The following PTPRN2 variants were observed in gnomAD, a reference collection of about 807,000 sequenced individuals.
PTPRN2 encodes the protein protein tyrosine phosphatase receptor type N2.
PTPRN2 carries 74 observed loss-of-function variants against 118.8 expected under a neutral mutation model. That is an observed-to-expected ratio of 0.62 (90% CI 0.52 to 0.76). The LOEUF (loss-of-function observed/expected upper bound fraction) is 0.76, where lower values mean the gene tolerates loss of function less well. PTPRN2 is among the 30% of genes least tolerant of loss of function. PTPRN2 has a pLI of 0.00. For synonymous variants in PTPRN2, 641 were observed against 608.0 expected (o/e 1.05, Z -0.80); for missense variants, 1,481 against 1,394.4 (o/e 1.06, Z -0.99).
At chr7:158,296,443 C>T (rs867475175) in intron 3 of PTPRN2, among the ~76,000 whole-genome samples, 21 of 152,328 alleles carry the variant, frequency 1.4e-4, no homozygotes, top group Admixed American at 4.6e-4. Context: ...AGCCCATGTG[C>T]GATCTGATTC....
intron 3 of PTPRN2, among the ~76,000 whole-genome samples, chr7:158,241,556 T>TA (rs905546442): frequency 3.2e-4 from 48 of 152,228 alleles, no homozygotes; most frequent in African/African-American, 1.0e-3. Context: ...ATTTAAATTT[T>TA]AAAAAAATCC....
At chr7:158,318,430 G>C (rs1375866814) in intron 2 of PTPRN2, among the ~76,000 whole-genome samples, 2 of 152,226 alleles carry the variant, frequency 1.3e-5, no homozygotes, top group African/African-American at 4.8e-5. Context: ...TCACAATGCA[G>C]AACAATCCTA....
intron 2 of PTPRN2, among the ~76,000 whole-genome samples, chr7:158,353,974 C>G (rs751975311): frequency 6.6e-6 from 1 of 152,212 alleles, no homozygotes; most frequent in Non-Finnish European, 1.5e-5. Flanking sequence ...CTCTGCAACT[C>G]GGCCAAAGGA....
At chr7:157,545,066 T>A (rs1798222586) in intron 22 of PTPRN2, among the ~76,000 whole-genome samples, 1 of 147,136 alleles carries the variant, frequency 6.8e-6, no homozygotes, top group Non-Finnish European at 1.5e-5. Flanking sequence ...GTGTGCAGTG[T>A]GCATGGGTGT....
chr7:158,104,898 C>A lies in PTPRN2; in HGVS notation c.1643+5931G>T, dbSNP rs112703369. Among the ~76,000 whole-genome samples, 271 of 142,366 alleles carry A rather than the reference C, an allele frequency of 1.9e-3. 1 individual carries two copies. Among genetic ancestry groups the A allele is most frequent in the African/African-American group, 6.6e-3 (251 of 38,074 alleles). 93.4% of individuals were successfully genotyped at this position (142,366 alleles called of 152,430 possible). A position where few individuals can be genotyped will look rare whatever the true frequency, so the allele number is the denominator to read the frequency against. ...TCCATCAAACTCCATCCCAGCTCCA[C>A]CCTCAGCTCCATCCCAAGTCCACAC... On this transcript the variant is annotated intron_variant, in intron 10 of 22. Transcript: ENST00000389418.
chr7:157,834,069 AGC>A (rs1807768605), intron 12 of PTPRN2, among the ~76,000 whole-genome samples: 2 of 152,304 alleles, frequency 1.3e-5, no homozygotes, highest in South Asian at 2.1e-4. Flanking sequence ...ATGAGCCAGC[AGC>A]ATTCCCTGTG....
intron 11 of PTPRN2, among the ~76,000 whole-genome samples, chr7:157,931,493 A>C (rs2128780242): frequency 6.6e-6 from 1 of 152,322 alleles, no homozygotes; most frequent in African/African-American, 2.4e-5. Flanking sequence ...CTGAAAGAAA[A>C]GTGACTGAAA....
chr7:158,289,821 TG>T (rs1799995079), intron 3 of PTPRN2, among the ~76,000 whole-genome samples: 2 of 152,336 alleles, frequency 1.3e-5, no homozygotes, highest in South Asian at 4.1e-4. Context: ...TGGCTTCGCC[TG>T]GGTAAGCCCT....
chr7:157,643,631 G>A (rs6951533), intron 14 of PTPRN2, among the ~76,000 whole-genome samples: 17,841 of 152,210 alleles, frequency 0.12, 1,107 homozygotes, highest in East Asian at 0.17. Context: ...CTCCCCCGAC[G>A]GAGCCCCTGT....
chr7:157,555,627 C>T (rs544290483), intron 21 of PTPRN2, among the ~76,000 whole-genome samples: 2 of 152,310 alleles, frequency 1.3e-5, no homozygotes, highest in South Asian at 4.1e-4. Context: ...ACTGCATGAG[C>T]GCAGGTAAGT....
In PTPRN2 at chr7:157,905,025, C is replaced by T. The variant is rs780221842; in HGVS notation, c.1724-6288G>A. On this transcript the variant is annotated intron_variant, in intron 11 of 22. Transcript: ENST00000389418. The stretch of plus-strand genomic sequence containing the variant: ...TCCGCCGGATTTCTCTAAATGGCCG[C>T]GTGGATTCCCTTTTCCACACTGTTG... 4.6e-5 allele frequency among the ~76,000 whole-genome samples: 7 copies of T among 152,198 alleles called. No individual in the cohort carries two copies. The East Asian group carries it at 5.8e-4, about 13-fold the overall frequency.
chr7:158,461,215 G>T (rs927006208), intron 2 of PTPRN2, among the ~76,000 whole-genome samples: 1 of 152,074 alleles, frequency 6.6e-6, no homozygotes, highest in Admixed American at 6.6e-5. Flanking sequence ...CAGCATAAAG[G>T]CCGGGCGCGG....
chr7:157,982,257 C>CT (rs1236864115), intron 11 of PTPRN2, among the ~76,000 whole-genome samples: 1 of 71,852 alleles, frequency 1.4e-5, no homozygotes, highest in Non-Finnish European at 2.7e-5. Context: ...CCCCAAACCC[C>CT]GAGTCATAGA....
chr7:157,701,822 G>A (rs913230996), intron 12 of PTPRN2, among the ~76,000 whole-genome samples: 3 of 151,160 alleles, frequency 2.0e-5, no homozygotes, highest in African/African-American at 7.3e-5. Flanking sequence ...TAACTGACGC[G>A]GGCTGTGCAT....
chr7:157,947,313 C>T (rs1251362633), intron 11 of PTPRN2, among the ~76,000 whole-genome samples: 1 of 152,192 alleles, frequency 6.6e-6, no homozygotes, highest in Admixed American at 6.5e-5. Flanking sequence ...TTCTGGGATT[C>T]TGTAGTCTAA....
chr7:158,522,424 G>A (rs1405387801), intron 1 of PTPRN2, among the ~76,000 whole-genome samples: 1 of 151,240 alleles, frequency 6.6e-6, no homozygotes, highest in Non-Finnish European at 1.5e-5. Context: ...TGGCTCAGGG[G>A]GAAGGTCCAC....
intron 2 of PTPRN2, among the ~76,000 whole-genome samples, chr7:158,319,511 A>T (rs1306580417): frequency 2.8e-5 from 2 of 71,268 alleles, no homozygotes; most frequent in African/African-American, 6.2e-5. Context: ...GCCTCCCCCC[A>T]CACACACAGC....
intron 11 of PTPRN2, among the ~76,000 whole-genome samples, chr7:158,055,501 GGCCT>G (rs1199322754): frequency 1.3e-5 from 2 of 152,204 alleles, no homozygotes; most frequent in African/African-American, 2.4e-5. Flanking sequence ...GTTATCCGGA[GGCCT>G]AACCGTCTCC....
At chr7:158,347,262 G>C (rs1807581931) in intron 2 of PTPRN2, among the ~76,000 whole-genome samples, 1 of 152,118 alleles carries the variant, frequency 6.6e-6, no homozygotes, top group Non-Finnish European at 1.5e-5. Context: ...AATCCCTTTT[G>C]AGTTTTTGTA....
Sources: allele counts gnomAD v4.1 joint callset (sites outside exome capture counted in the v4.1 genomes callset), GRCh38; gene constraint gnomAD v4.1.1; transcripts MANE v1.5; gene names NCBI Gene and HGNC (gene_info 2026-07-23, HGNC 2026-07-21).